Variants in CNBD1 observed in about 807,000 individuals in gnomAD.
The protein encoded by CNBD1 is cyclic nucleotide binding domain containing 1, also known as cyclic nucleotide-binding domain-containing protein 1.
Under a neutral mutation model 54.4 loss-of-function variants are expected in CNBD1, and 71 were observed. The observed-to-expected ratio is 1.30, with a 90% confidence interval of 1.08 to 1.59. The LOEUF is 1.59. Among genes scored for constraint, CNBD1 ranks in the 40% most tolerant of loss-of-function variants. CNBD1 has a pLI of 0.00. For missense variants in CNBD1, 659 were observed against 518.0 expected (o/e 1.27, Z -2.64); for synonymous variants, 182 against 170.7 (o/e 1.07, Z -0.51).
chr8:87,286,453 T>C (rs896768257), intron 7 of CNBD1, 86 bp from the exon 8 acceptor site: 13 of 793,276 alleles, frequency 1.6e-5, no homozygotes, highest in South Asian at 8.8e-5. Flanking sequence ...GCCTTTATTT[T>C]ACTTCTCTCA....
At chr8:86,888,413 G>A (rs1243125481) in intron 2 of CNBD1, among the ~76,000 whole-genome samples, 1 of 151,928 alleles carries the variant, frequency 6.6e-6, no homozygotes, top group East Asian at 1.9e-4. Context: ...AGTGCCTTTC[G>A]ACATGGAGTA....
At chr8:87,189,459 A>C (rs1813552337) in intron 4 of CNBD1, among the ~76,000 whole-genome samples, 2 of 152,180 alleles carry the variant, frequency 1.3e-5, no homozygotes, top group East Asian at 3.8e-4. Flanking sequence ...GAAAGGAAAT[A>C]TGCTACTATA....
At chr8:87,021,417 G>T (rs1586203236) in intron 4 of CNBD1, among the ~76,000 whole-genome samples, 1 of 152,282 alleles carries the variant, frequency 6.6e-6, no homozygotes, top group East Asian at 1.9e-4. Flanking sequence ...CAAGAAATGT[G>T]TATGAATAAT....
At chr8:87,389,941 C>T (rs1811273622) in intron 2 of CNBD1, among the ~76,000 whole-genome samples, 1 of 152,020 alleles carries the variant, frequency 6.6e-6, no homozygotes, top group Non-Finnish European at 1.5e-5. Context: ...AGAAATAATG[C>T]CACATATCTA....
chr8:86,882,224 C>T (rs2131780001), intron 1 of CNBD1, among the ~76,000 whole-genome samples: 1 of 152,168 alleles, frequency 6.6e-6, no homozygotes, highest in East Asian at 1.9e-4. Flanking sequence ...AAACTGTCAG[C>T]AGAGTAAACA....
chr8:87,395,849 G>T (rs552454254), intron 2 of CNBD1, among the ~76,000 whole-genome samples: 1 of 151,830 alleles, frequency 6.6e-6, no homozygotes, highest in Non-Finnish European at 1.5e-5. Flanking sequence ...TACTGTCAGC[G>T]TTATAGTGAG....
chr8:86,970,166 T>G (rs112464208), intron 4 of CNBD1, among the ~76,000 whole-genome samples: 1,929 of 152,234 alleles, frequency 0.013, 31 homozygotes, highest in African/African-American at 0.037. Context: ...TTGAAAATAA[T>G]AAGACTCTTT....
intron 4 of CNBD1, among the ~76,000 whole-genome samples, chr8:87,028,089 C>T (rs1009261547): frequency 2.3e-4 from 35 of 152,196 alleles, no homozygotes; most frequent in Admixed American, 5.2e-4. Flanking sequence ...CCAAGTGTAT[C>T]CATACTGAAA....
chr8:87,338,902 C>T (rs1330912648), intron 8 of CNBD1, among the ~76,000 whole-genome samples: 2 of 152,174 alleles, frequency 1.3e-5, no homozygotes, highest in Admixed American at 1.3e-4. Context: ...GGGAAGTGCT[C>T]TTAATCCTAT....
At chr8:87,337,331 C>G (rs1486873264) in intron 8 of CNBD1, among the ~76,000 whole-genome samples, 1 of 152,130 alleles carries the variant, frequency 6.6e-6, no homozygotes, top group Non-Finnish European at 1.5e-5. Flanking sequence ...TTTGTGGGGA[C>G]TTCTGCTACC....
chr8:86,959,653 C>T (rs560105665), intron 4 of CNBD1, among the ~76,000 whole-genome samples: 1 of 152,276 alleles, frequency 6.6e-6, no homozygotes, highest in South Asian at 2.1e-4. Flanking sequence ...GCTACTAAAG[C>T]TTGTGCATGC....
intron 6 of CNBD1, among the ~76,000 whole-genome samples, chr8:87,274,142 T>C (rs1808427566): frequency 6.6e-6 from 1 of 151,992 alleles, no homozygotes; most frequent in Non-Finnish European, 1.5e-5. Context: ...AGTGTATATG[T>C]GCCACATTTT....
chr8:87,394,203 A>G (rs1811368707), intron 2 of CNBD1, among the ~76,000 whole-genome samples: 1 of 151,906 alleles, frequency 6.6e-6, no homozygotes, highest in South Asian at 2.1e-4. Context: ...TTAAAGCATT[A>G]CAACCTGCTT....
intron 2 of CNBD1, among the ~76,000 whole-genome samples, chr8:87,422,314 A>G (rs918066440): frequency 4.1e-5 from 6 of 146,286 alleles, no homozygotes; most frequent in Admixed American, 3.4e-4. Flanking sequence ...TTTTGTTGCC[A>G]TTGCTTTTGG....
chr8:87,205,584 C>A (rs570789958), intron 4 of CNBD1, among the ~76,000 whole-genome samples: 47 of 151,980 alleles, frequency 3.1e-4, no homozygotes, highest in Non-Finnish European at 5.6e-4. Flanking sequence ...TTTAATAGTA[C>A]TTAAAAGAAT....
intron 9 of CNBD1, among the ~76,000 whole-genome samples, chr8:87,352,478 C>CAAAAAAAAAAAAAAAAAAAAAAAAAA (rs386413278): frequency 9.3e-6 from 1 of 107,494 alleles, no homozygotes; most frequent in South Asian, 3.1e-4. Context: ...GACTCTGTCT[C>CAAAAAAAAAAAAAAAAAAAAAAAAAA]AAAAAAAAAA....
chr8:87,092,344 A>AGTGTGTGTGT (rs113453662), intron 4 of CNBD1, among the ~76,000 whole-genome samples: 6 of 143,210 alleles, frequency 4.2e-5, no homozygotes, highest in African/African-American at 1.3e-4. Context: ...ATACTGGCTC[A>AGTGTGTGTGT]GTGTGTGTGT....
chr8:86,923,256 C>A (rs1001023633), intron 3 of CNBD1, among the ~76,000 whole-genome samples: 1 of 152,110 alleles, frequency 6.6e-6, no homozygotes, highest in Non-Finnish European at 1.5e-5. Context: ...ATCCTTGTCT[C>A]GATGAAGGTC....
At chr8:87,068,748 T>C (rs1420818614) in intron 4 of CNBD1, among the ~76,000 whole-genome samples, 1 of 152,046 alleles carries the variant, frequency 6.6e-6, no homozygotes, top group African/African-American at 2.4e-5. Flanking sequence ...ATAGAATTGC[T>C]ATTTTCTCTT....
Sources: gnomAD v4.1 joint callset for allele counts (sites outside exome capture counted in the v4.1 genomes callset) on GRCh38, gnomAD v4.1.1 for gene constraint, MANE v1.5 for transcripts, NCBI Gene and HGNC (gene_info 2026-07-23, HGNC 2026-07-21) for gene names.